Variants in GMDS observed in about 807,000 individuals in gnomAD.
GMDS encodes the protein GDP-mannose 4,6 dehydratase.
Under a neutral mutation model 49.9 loss-of-function variants are expected in GMDS, and 20 were observed. The observed-to-expected ratio is 0.40, with a 90% CI of 0.28 to 0.58. GMDS has a LOEUF of 0.58. GMDS is among the 20% of genes least tolerant of loss of function. The probability of loss-of-function intolerance (pLI) is 0.42; values close to 1 mark genes in which losing one functional copy is unlikely to be tolerated. For synonymous variants in GMDS, 177 were observed against 178.6 expected, an observed-to-expected ratio of 0.99 and a Z score of 0.07; for missense variants, 362 against 481.4, an observed-to-expected ratio of 0.75 and a Z score of 2.32.
At chr6:1,624,566 G>A (rs1306039148) in intron 9 of GMDS, 26 bp from the exon 10 acceptor site, 3 of 1,564,812 alleles carry the variant, frequency 1.9e-6, no homozygotes, top group African/African-American at 1.4e-5. Context: ...GGGAGACGAA[G>A]CAGGCGTGGG....
chr6:1,913,345 C>CA (rs1761175341), intron 7 of GMDS, among the ~76,000 whole-genome samples: 1 of 141,112 alleles, frequency 7.1e-6, no homozygotes, highest in Admixed American at 7.4e-5. Flanking sequence ...CCTGCCACTG[C>CA]ACTCCAGCCT....
chr6:1,878,912 C>G (rs1264172712), intron 7 of GMDS, among the ~76,000 whole-genome samples: 2 of 152,298 alleles, frequency 1.3e-5, no homozygotes, highest in East Asian at 3.9e-4. Context: ...GGGCCCTGAG[C>G]TATCATCAGC....
intron 4 of GMDS, among the ~76,000 whole-genome samples, chr6:2,069,010 C>T (rs1408080852): frequency 6.6e-6 from 1 of 152,174 alleles, no homozygotes; most frequent in African/African-American, 2.4e-5. Flanking sequence ...TACCTGACTT[C>T]AAACTATACT....
intron 7 of GMDS, among the ~76,000 whole-genome samples, chr6:1,827,084 G>A (rs1217535211): frequency 4.6e-5 from 2 of 43,870 alleles, no homozygotes; most frequent in Non-Finnish European, 1.0e-4. Context: ...ATATATGTGT[G>A]TGTGTGTGTG....
chr6:2,039,130 T>C (rs569333993), intron 4 of GMDS, among the ~76,000 whole-genome samples: 2 of 152,292 alleles, frequency 1.3e-5, no homozygotes, highest in East Asian at 3.9e-4. Context: ...CTGAATACTG[T>C]AGGCAACTGT....
intron 4 of GMDS, among the ~76,000 whole-genome samples, chr6:2,025,502 G>A (rs975255628): frequency 1.3e-5 from 2 of 149,268 alleles, no homozygotes; most frequent in Admixed American, 6.7e-5. Flanking sequence ...ATGCACACAC[G>A]CACACACATA....
At chr6:1,857,176 T>C (rs1757975458) in intron 7 of GMDS, among the ~76,000 whole-genome samples, 1 of 152,186 alleles carries the variant, frequency 6.6e-6, no homozygotes. Context: ...TAAAAGGAAG[T>C]GGGTCTTAGA....
chr6:2,110,778 T>C lies in GMDS; in HGVS notation c.345+4993A>G, dbSNP rs1383819150. Among the ~76,000 whole-genome samples the C allele has an allele frequency of 2.0e-5, 3 of 152,106 alleles. No individual in the cohort carries two copies. The East Asian group carries it at 5.8e-4, about 29-fold the overall frequency. Reference sequence around the variant, plus strand: ...CACAGAGACTTGAAAAGGAAAGTAATACAGATATTTAAAGGGTTAGAAAAG... The same window carrying C: ...CACAGAGACTTGAAAAGGAAAGTAACACAGATATTTAAAGGGTTAGAAAAG... On this transcript the variant is annotated intron_variant, in intron 4 of 10. Transcript: ENST00000380815.
chr6:1,628,455 T>C (rs966808568), intron 9 of GMDS, among the ~76,000 whole-genome samples: 1 of 152,216 alleles, frequency 6.6e-6, no homozygotes, highest in Non-Finnish European at 1.5e-5. Flanking sequence ...TCTAAAACCA[T>C]TGTGGGGAAT....
At chr6:1,828,858 C>CCCCT (rs1257218216) in intron 7 of GMDS, among the ~76,000 whole-genome samples, 1 of 152,128 alleles carries the variant, frequency 6.6e-6, no homozygotes, top group Non-Finnish European at 1.5e-5. Context: ...GGGTGCCAAA[C>CCCCT]CCCTGCACTG....
Position 2,245,523 on chromosome 6 carries a change from C to T in GMDS, c.-101G>A. 6.9e-6 allele frequency: 4 copies of T among 577,970 alleles called. No homozygotes were observed. The highest frequency in any genetic ancestry group is 8.0e-6 in the Non-Finnish European group (3 of 376,358). The allele number at this position is 577,970 out of a possible 1,614,324, so 35.8% of individuals were successfully genotyped here. A position where few individuals can be genotyped will look rare whatever the true frequency, so the allele number is the denominator to read the frequency against. Reference sequence around the variant, plus strand: ...GGGTGTGCAGCACGAAGCGCCTCTCCAGGCTGCGGGCAGGGAGGGAGAGCG... The same window carrying T: ...GGGTGTGCAGCACGAAGCGCCTCTCTAGGCTGCGGGCAGGGAGGGAGAGCG... On this transcript the variant is annotated 5_prime_UTR_variant, in exon 1 of 11. Coordinates refer to ENST00000380815, the MANE Select transcript of GMDS (RefSeq NM_001500.4).
chr6:1,873,380 C>T (rs1026544251), intron 7 of GMDS, among the ~76,000 whole-genome samples: 3 of 152,108 alleles, frequency 2.0e-5, no homozygotes, highest in Non-Finnish European at 4.4e-5. Context: ...AACCATCCTG[C>T]CCCACCTTTG....
intron 4 of GMDS, among the ~76,000 whole-genome samples, chr6:2,069,756 A>T (rs1771863886): frequency 2.6e-5 from 4 of 152,130 alleles, no homozygotes; most frequent in Admixed American, 2.6e-4. Flanking sequence ...ATCATTAAAA[A>T]GTCAAGAAAC....
In GMDS at chr6:1,819,771, AAAAAAAT is replaced by A. The variant is rs1274384757; in HGVS notation, c.772-77192_772-77186del. ...GTGAGACTCTGCCTCAAAAAAAAAA[AAAAAAAT>A]ATATATATATATATATATATCTACC... is the stretch of plus-strand genomic sequence containing the variant. On this transcript the variant is annotated intron_variant, in intron 7 of 10. Coordinates refer to ENST00000380815, the MANE Select transcript of GMDS (RefSeq NM_001500.4). 2.4e-3 allele frequency among the ~76,000 whole-genome samples: 308 copies of A among 128,444 alleles called. 1 individual carries two copies. The highest frequency in any genetic ancestry group is 8.2e-3 in the African/African-American group (297 of 36,274). 84.3% of individuals were successfully genotyped at this position (128,444 alleles called of 152,430 possible).
intron 8 of GMDS, among the ~76,000 whole-genome samples, chr6:1,739,589 G>A (rs1046931061): frequency 8.5e-5 from 13 of 152,244 alleles, no homozygotes; most frequent in Non-Finnish European, 1.3e-4. Flanking sequence ...TGGCCACAGC[G>A]ACAGGTCTAG....
At chr6:1,673,998 C>G (rs146978585) in intron 9 of GMDS, among the ~76,000 whole-genome samples, 1 of 90,212 alleles carries the variant, frequency 1.1e-5, no homozygotes, top group Admixed American at 9.9e-5. Flanking sequence ...AACATCTATG[C>G]GCAGGTTTTT....
intron 4 of GMDS, among the ~76,000 whole-genome samples, chr6:1,966,663 C>T (rs1764276001): frequency 6.6e-6 from 1 of 152,188 alleles, no homozygotes; most frequent in Admixed American, 6.5e-5. Context: ...CCCAAAGGCC[C>T]ACCTCCAGGG....
In GMDS at chr6:1,640,698, C is replaced by T. The variant is rs1311261055; in HGVS notation, c.988-16158G>A. On this transcript the variant is annotated intron_variant, in intron 9 of 10. Coordinates refer to ENST00000380815, the MANE Select transcript of GMDS (RefSeq NM_001500.4). The surrounding 1 kb of genome is among the most constrained non-coding windows in gnomAD (Gnocchi z 4.0). ...CGCAGGCCCAGGGCTGCCGACACAG[C>T]AGCCAACCAGACACACGGGGAGCTC... Among the ~76,000 whole-genome samples, 2 of 152,226 alleles carry T rather than the reference C, an allele frequency of 1.3e-5. No individual in the cohort carries two copies. Among genetic ancestry groups the T allele is most frequent in the Admixed American group, 6.5e-5 (1 of 15,282 alleles).
At chr6:1,981,715 C>CA (rs1230409917) in intron 4 of GMDS, among the ~76,000 whole-genome samples, 3 of 151,806 alleles carry the variant, frequency 2.0e-5, no homozygotes, top group Middle Eastern at 3.4e-3. Context: ...AGAGGTACAA[C>CA]AAAAAAAAGA....
Sources: gnomAD v4.1 joint callset for allele counts (sites outside exome capture counted in the v4.1 genomes callset) on GRCh38, gnomAD v4.1.1 for gene constraint, Gnocchi (gnomAD v3.1) non-coding constraint, MANE v1.5 for transcripts, NCBI Gene and HGNC (gene_info 2026-07-23, HGNC 2026-07-21) for gene names.